The following HMCN1 variants were observed in gnomAD, a reference collection of about 807,000 sequenced individuals.
HMCN1 encodes hemicentin-1.
Under a neutral mutation model 625.9 loss-of-function variants are expected in HMCN1, and 321 were observed. That is an observed-to-expected ratio of 0.51 (90% confidence interval 0.47 to 0.56). The LOEUF (loss-of-function observed/expected upper bound fraction) is 0.56, where lower values mean the gene tolerates loss of function less well. HMCN1 is among the 20% of genes least tolerant of loss of function. The probability of loss-of-function intolerance (pLI) is 0.00; values close to 1 mark genes in which losing one functional copy is unlikely to be tolerated. For synonymous variants in HMCN1, 2,425 were observed against 2,417.6 expected (o/e 1.00, Z -0.09); for missense variants, 6,588 against 6,887.3 (o/e 0.96, Z 1.54).
intron 44 of HMCN1, among the ~76,000 whole-genome samples, 174 bp from the exon 45 acceptor site, chr1:186,055,219 G>T (rs1278600461): frequency 6.6e-6 from 1 of 151,974 alleles, no homozygotes; most frequent in Non-Finnish European, 1.5e-5. Context: ...TAACACATTG[G>T]AGAAGAATTC....
In HMCN1 at chr1:186,136,854, A is replaced by G. The variant is rs202072477; in HGVS notation, c.13499A>G (p.Gln4500Arg). Residue 4500 changes from glutamine to arginine, a missense_variant, in exon 87 of 107, where the codon CAG becomes CGG. Gln to Arg is a conservative substitution (Grantham distance 43). This residue lies in a region of HMCN1 where 1,954 missense variants were observed against 2,013.1 expected (regional missense o/e 0.97). Transcript: ENST00000271588. The part of the protein sequence containing the change: ...SNNSLYIADA[Q>R]KEDTSEFECV... Reference sequence around the variant, plus strand: ...AACTCATTATATATTGCTGATGCTCAGAAAGAAGATACCTCTGAATTTGAA... The same window carrying G: ...AACTCATTATATATTGCTGATGCTCGGAAAGAAGATACCTCTGAATTTGAA... 2.5e-6 allele frequency: 4 copies of G among 1,614,086 alleles called. No individual in the cohort carries two copies. Among genetic ancestry groups the G allele is most frequent in the Non-Finnish European group, 3.4e-6 (4 of 1,179,968 alleles).
At chr1:186,047,423 AG>A (rs1258620878) in intron 41 of HMCN1, among the ~76,000 whole-genome samples, 1 of 152,150 alleles carries the variant, frequency 6.6e-6, no homozygotes, top group African/African-American at 2.4e-5. Flanking sequence ...CGTCACGTTG[AG>A]GGGTTTAGGG....
At chr1:185,857,479 G>GTA (rs543424927) in intron 2 of HMCN1, among the ~76,000 whole-genome samples, 6 of 150,754 alleles carry the variant, frequency 4.0e-5, no homozygotes, top group Non-Finnish European at 8.8e-5. Context: ...GTGTGTGTGT[G>GTA]TGTGTGTGTG....
At chr1:186,062,927 T>C (rs781653424) in intron 48 of HMCN1, among the ~76,000 whole-genome samples, 5 of 151,136 alleles carry the variant, frequency 3.3e-5, no homozygotes, top group Non-Finnish European at 7.4e-5. Flanking sequence ...GATATTTGAC[T>C]TTCTGTTTCT....
At chr1:186,158,858 G>A (rs1482254362) in intron 97 of HMCN1, among the ~76,000 whole-genome samples, 1 of 151,780 alleles carries the variant, frequency 6.6e-6, no homozygotes, top group African/African-American at 2.4e-5. Flanking sequence ...ATAGTTTGAA[G>A]TCAGGTAGCG....
rs1185102259 is a variant in HMCN1 at position 186,063,096 on chromosome 1, A to ATATATATATATATATATGTATATATG, written c.7513+503_7513+504insATATATATATGTATATATGTATATAT. ...TATATATATATATATATATATATAT[A>ATATATATATATATATATGTATATATG]TATATATCACATTTTCATTACCCAA... is the stretch of plus-strand genomic sequence containing the variant. On this transcript the variant is annotated intron_variant, in intron 48 of 106. Transcript: ENST00000271588. Among the ~76,000 whole-genome samples the ATATATATATATATATATGTATATATG allele has an allele frequency of 6.9e-5, 8 of 115,404 alleles. No individual in the cohort carries two copies. In the East Asian group the frequency reaches 1.6e-3, roughly 23 times the overall value. The allele number at this position is 115,404 out of a possible 152,430, so 75.7% of individuals were successfully genotyped here.
chr1:185,740,947 T>C (rs1057328176), intron 1 of HMCN1, among the ~76,000 whole-genome samples: 8 of 152,134 alleles, frequency 5.3e-5, no homozygotes, highest in African/African-American at 7.2e-5. Context: ...TGAGCTGAGA[T>C]TGGACCATTG....
At chr1:186,189,402 C>G in intron 106 of HMCN1, 110 bp from the exon 107 acceptor site, 1 of 1,139,988 alleles carries the variant, frequency 8.8e-7, no homozygotes, top group Non-Finnish European at 1.3e-6. Context: ...TACAGCCAGG[C>G]TGCCTACTGC....
At chr1:185,811,399 G>A (rs1014529339) in intron 1 of HMCN1, among the ~76,000 whole-genome samples, 3 of 151,914 alleles carry the variant, frequency 2.0e-5, no homozygotes, top group African/African-American at 7.3e-5. Flanking sequence ...GGACTAGCCT[G>A]GGCGATATAG....
chr1:185,982,160 A>G (rs796969572), intron 17 of HMCN1, 102 bp from the exon 18 acceptor site: 6 of 1,190,994 alleles, frequency 5.0e-6, no homozygotes, highest in Admixed American at 1.8e-5. Context: ...TGAAAACTCA[A>G]ACTTTTATAG....
At chr1:186,023,009 G>A in intron 35 of HMCN1, 21 bp from the exon 36 acceptor site, 1 of 1,612,158 alleles carries the variant, frequency 6.2e-7, no homozygotes, top group Non-Finnish European at 8.5e-7. Flanking sequence ...AAAATCCTCT[G>A]TGCTTTCTGC....
At chr1:186,119,675 T>C in intron 78 of HMCN1, 70 bp from the exon 79 acceptor site, 2 of 1,484,284 alleles carry the variant, frequency 1.3e-6, no homozygotes. Context: ...ATTTTTAAGC[T>C]CATTACTACA....
At chr1:185,899,828 A>G (rs1308040942) in intron 4 of HMCN1, among the ~76,000 whole-genome samples, 1 of 152,098 alleles carries the variant, frequency 6.6e-6, no homozygotes, top group African/African-American at 2.4e-5. Context: ...ACCTTTGTGT[A>G]TCTAGCACAG....
chr1:185,807,902 T>C (rs1010554787), intron 1 of HMCN1, among the ~76,000 whole-genome samples: 1 of 152,184 alleles, frequency 6.6e-6, no homozygotes, highest in South Asian at 2.1e-4. Flanking sequence ...ACGGGAATAT[T>C]CTCTTTTTGA....
chr1:185,777,456 CT>C (rs543632992), intron 1 of HMCN1, among the ~76,000 whole-genome samples: 54 of 146,220 alleles, frequency 3.7e-4, no homozygotes, highest in South Asian at 4.3e-4. Flanking sequence ...CTTTCTTTTT[CT>C]TTTTTTTTTT....
chr1:185,969,997 CAAAGATGGTAG>C (rs1265504728), intron 14 of HMCN1, among the ~76,000 whole-genome samples: 1 of 152,202 alleles, frequency 6.6e-6, no homozygotes, highest in African/African-American at 2.4e-5. Flanking sequence ...CATCCTGCCA[CAAAGATGGTAG>C]AAACTTCCTT....
In HMCN1 at chr1:186,018,316, G is replaced by A. The variant is rs1271620064; in HGVS notation, c.5434G>A (p.Gly1812Arg). ...LYRCMAANTA[G>R]DHKKEFEVTV... ...TCGGTGCATGGCAGCAAATACTGCT[G>A]GAGACCACAAGAAGGAATTTGAAGT... Residue 1812 changes from glycine to arginine, a missense_variant, in exon 34 of 107, where the codon GGA becomes AGA. Transcript: ENST00000271588. The A allele has an allele frequency of 2.5e-6, 4 of 1,612,878 alleles. No individual in the cohort carries two copies. Among genetic ancestry groups the A allele is most frequent in the Non-Finnish European group, 3.4e-6 (4 of 1,179,116 alleles).
chr1:185,905,475 C>T (rs1216659028), intron 4 of HMCN1, among the ~76,000 whole-genome samples: 4 of 151,788 alleles, frequency 2.6e-5, no homozygotes, highest in African/African-American at 4.8e-5. Context: ...GAACACCTCA[C>T]CATACTTCCC....
chr1:186,019,678 G>T lies in HMCN1; in HGVS notation c.5608G>T (p.Ala1870Ser). 2 of 1,611,982 alleles carry T rather than the reference G, an allele frequency of 1.2e-6. No homozygotes were observed. The highest frequency in any genetic ancestry group is 2.7e-5 in the African/African-American group (2 of 74,918). ...WLKDDQPVNT[A>S]QGNLKIQSSG... ...AAAAGATGACCAGCCTGTGAACACT[G>T]CCCAAGGAAACCTTAAAGTAAGTGT... Residue 1870 changes from alanine to serine, a missense_variant, in exon 35 of 107, where the codon GCC (alanine) becomes TCC (serine). Physicochemically the swap from Ala to Ser is moderately conservative, Grantham distance 99. Coordinates refer to ENST00000271588, the MANE Select transcript of HMCN1 (RefSeq NM_031935.3).
Sources: gnomAD v4.1 joint callset for allele counts (sites outside exome capture counted in the v4.1 genomes callset) on GRCh38, gnomAD v4.1.1 for gene constraint, gnomAD v4.1.1 regional missense constraint, MANE v1.5 for transcripts, NCBI Gene and HGNC (gene_info 2026-07-23, HGNC 2026-07-21) for gene names.